The following KCNQ1 variants were observed in gnomAD, a reference collection of about 807,000 sequenced individuals.
KCNQ1 encodes potassium voltage-gated channel subfamily Q member 1.
Under a neutral mutation model 72.4 loss-of-function variants are expected in KCNQ1, and 49 were observed. That is an observed-to-expected ratio of 0.68 (90% CI 0.54 to 0.86). The LOEUF is 0.86. Among genes scored for constraint, KCNQ1 ranks in the 40% least tolerant of loss-of-function variants. The probability of loss-of-function intolerance (pLI) is 0.00; values close to 1 mark genes in which losing one functional copy is unlikely to be tolerated. For synonymous variants in KCNQ1, 450 were observed against 412.6 expected (o/e 1.09, Z -1.10); for missense variants, 790 against 945.1 (o/e 0.84, Z 2.15).
chr11:2,699,709 C>A (rs1426499070), intron 11 of KCNQ1: 7 of 228,480 alleles, frequency 3.1e-5, no homozygotes, highest in African/African-American at 5.4e-5. Context: ...AGGAGAACGG[C>A]GCCGAGGAGT....
rs933178688 is a variant in KCNQ1 at position 2,463,708 on chromosome 11, C to T, written c.386+18224C>T. Among the ~76,000 whole-genome samples, 4 of 152,298 alleles carry T rather than the reference C, an allele frequency of 2.6e-5. No homozygotes were observed. Among genetic ancestry groups the T allele is most frequent in the East Asian group, 3.9e-4 (2 of 5,184 alleles). On this transcript the variant is annotated intron_variant, in intron 1 of 15. Coordinates refer to ENST00000155840, the MANE Select transcript of KCNQ1 (RefSeq NM_000218.3). This position sits in a 1 kb window ranked among gnomAD's most constrained non-coding sequence, Gnocchi z 7.0. ...CGGGGAGGTCTGTGGGTGCCCAGGC[C>T]GAGATGTGAACCCTGAGTTTGTGCA... is the stretch of plus-strand genomic sequence containing the variant.
At chr11:2,609,797 C>T (rs1354023775) in intron 10 of KCNQ1, 2 of 398,032 alleles carry the variant, frequency 5.0e-6, no homozygotes, top group Non-Finnish European at 4.4e-6. Context: ...CAGTAACATT[C>T]TTAATTTAAA....
rs1408701268 is a variant in KCNQ1 at position 2,733,908 on chromosome 11, G to T, written c.1515-34936G>T. Reference sequence around the variant, plus strand: ...CCGCTGTTCCCCTGCCCTGCCAGGCGCACCACCCCCGAAACATGCACACGC... The same window carrying T: ...CCGCTGTTCCCCTGCCCTGCCAGGCTCACCACCCCCGAAACATGCACACGC... On this transcript the variant is annotated intron_variant, in intron 11 of 15. Coordinates refer to ENST00000155840, the MANE Select transcript of KCNQ1 (RefSeq NM_000218.3). 4.4e-5 allele frequency among the ~76,000 whole-genome samples: 6 copies of T among 135,182 alleles called. No individual in the cohort carries two copies. In the Admixed American group the frequency reaches 4.8e-4, roughly 11 times the overall value. The allele number at this position is 135,182 out of a possible 152,430, so 88.7% of individuals were successfully genotyped here.
chr11:2,716,834 G>A (rs1384748883), intron 11 of KCNQ1, among the ~76,000 whole-genome samples: 2 of 152,238 alleles, frequency 1.3e-5, no homozygotes, highest in Non-Finnish European at 2.9e-5. Context: ...TTTGGAGGGA[G>A]CCGAGGGCAG....
chr11:2,522,564 C>T (rs1167658520), intron 1 of KCNQ1, among the ~76,000 whole-genome samples: 2 of 152,220 alleles, frequency 1.3e-5, no homozygotes, highest in Non-Finnish European at 2.9e-5. Flanking sequence ...ATAGATAAAG[C>T]GGTAAATAAG....
chr11:2,744,486 G>A (rs542226998), intron 11 of KCNQ1, among the ~76,000 whole-genome samples: 2 of 152,224 alleles, frequency 1.3e-5, no homozygotes, highest in Admixed American at 6.5e-5. Flanking sequence ...GTTTGCGGTT[G>A]CTCCTGACGC....
intron 1 of KCNQ1, chr11:2,461,487 G>A (rs987313955): frequency 1.2e-5 from 15 of 1,297,348 alleles, no homozygotes; most frequent in African/African-American, 4.5e-5. Context: ...TGAGAGGCCC[G>A]GGAAGGCACT....
intron 15 of KCNQ1, among the ~76,000 whole-genome samples, chr11:2,786,511 C>G (rs1013172874): frequency 4.0e-5 from 6 of 151,724 alleles, no homozygotes; most frequent in Admixed American, 2.6e-4. Flanking sequence ...TCACTTCAGT[C>G]TCATTATCTC....
At position 2,785,235 on chromosome 11, in the gene KCNQ1, C is replaced by T. The variant is rs1846889757; in HGVS notation, c.1794+7198C>T. Reference sequence around the variant, plus strand: ...ATTTTGTCAAATGCTCTTTCTGTGTCTAGTGAGATGGTCCTGTGGTTTTTA... The same window carrying T: ...ATTTTGTCAAATGCTCTTTCTGTGTTTAGTGAGATGGTCCTGTGGTTTTTA... On this transcript the variant is annotated intron_variant, in intron 15 of 15. Transcript: ENST00000155840. The surrounding 1 kb of genome is among the most constrained non-coding windows in gnomAD (Gnocchi z 4.4). 6.6e-6 allele frequency among the ~76,000 whole-genome samples: 1 copy of T among 151,928 alleles called. No individual in the cohort carries two copies. The highest frequency in any genetic ancestry group is 2.1e-4 in the South Asian group (1 of 4,832).
chr11:2,649,217 T>G (rs1403081970), intron 10 of KCNQ1: 1 of 398,292 alleles, frequency 2.5e-6, no homozygotes, highest in Non-Finnish European at 4.4e-6. Flanking sequence ...CATTCAAGAT[T>G]GTTATCAATA....
intron 2 of KCNQ1, among the ~76,000 whole-genome samples, chr11:2,568,501 G>A (rs537416184): frequency 2.0e-5 from 3 of 152,272 alleles, no homozygotes; most frequent in East Asian, 3.9e-4. Context: ...CCTTTTTCAC[G>A]ATGACCAAAC....
chr11:2,623,986 C>T lies in KCNQ1; in HGVS notation c.1393+35132C>T. On this transcript the variant is annotated intron_variant, in intron 10 of 15. Coordinates refer to ENST00000155840, the MANE Select transcript of KCNQ1 (RefSeq NM_000218.3). The surrounding 1 kb of genome is among the most constrained non-coding windows in gnomAD (Gnocchi z 5.2). The stretch of plus-strand genomic sequence containing the variant: ...CCAGGGCTGCACCACTTTACATTCC[C>T]ATTAATGGTATATGTCAAAGTGGCT... 2.5e-6 allele frequency: 1 copy of T among 398,668 alleles called. No homozygotes were observed. Among genetic ancestry groups the T allele is most frequent in the African/African-American group, 2.1e-5 (1 of 48,626 alleles). The allele number at this position is 398,668 out of a possible 1,614,324, so 24.7% of individuals were successfully genotyped here.
intron 1 of KCNQ1, among the ~76,000 whole-genome samples, chr11:2,480,756 A>G (rs1049846105): frequency 3.3e-5 from 5 of 152,234 alleles, no homozygotes; most frequent in Admixed American, 6.5e-5. Flanking sequence ...TGTAGTGTGC[A>G]TGTCAGTGTT....
chr11:2,683,693 TG>T lies in KCNQ1; in HGVS notation c.1514+21615del. 2.5e-6 allele frequency: 1 copy of T among 398,676 alleles called. No homozygotes were observed. The highest frequency in any genetic ancestry group is 3.6e-5 in the East Asian group (1 of 28,078). The allele number at this position is 398,676 out of a possible 1,614,324, so 24.7% of individuals were successfully genotyped here. On this transcript the variant is annotated intron_variant, in intron 11 of 15. Coordinates refer to ENST00000155840, the MANE Select transcript of KCNQ1 (RefSeq NM_000218.3). This position sits in a 1 kb window ranked among gnomAD's most constrained non-coding sequence, Gnocchi z 4.7. ...CAATACAACTGTGAAAAGCCTAGCCTGGGACTCAGGCCTTTCCTTACTCCCT... is the reference window on the plus strand; with the variant it reads ...CAATACAACTGTGAAAAGCCTAGCCTGGACTCAGGCCTTTCCTTACTCCCT...
Position 2,678,410 on chromosome 11 carries a change from A to C in KCNQ1, c.1514+16329A>C, listed in dbSNP as rs1274640775. The C allele has an allele frequency of 5.0e-6, 2 of 398,490 alleles. No individual in the cohort carries two copies. Among genetic ancestry groups the C allele is most frequent in the East Asian group, 7.1e-5 (2 of 28,076 alleles). 24.7% of individuals were successfully genotyped at this position (398,490 alleles called of 1,614,324 possible). A position where few individuals can be genotyped will look rare whatever the true frequency, so the allele number is the denominator to read the frequency against. The stretch of plus-strand genomic sequence containing the variant: ...TCCCATATATTTGTCCAGTTGTCCA[A>C]CACTATTTATTTGAGTACATCATCA... On this transcript the variant is annotated intron_variant, in intron 11 of 15. Transcript: ENST00000155840. The surrounding 1 kb of genome is among the most constrained non-coding windows in gnomAD (Gnocchi z 4.9).
Position 2,769,181 on chromosome 11 carries a change from C to T in KCNQ1, c.1590+262C>T, listed in dbSNP as rs980060386. On this transcript the variant is annotated intron_variant, in intron 12 of 15. Coordinates refer to ENST00000155840, the MANE Select transcript of KCNQ1 (RefSeq NM_000218.3). The surrounding 1 kb of genome is among the most constrained non-coding windows in gnomAD (Gnocchi z 4.6). ...AGTGTCTTCTTCACCAAGTAGAAGG[C>T]AGCAGCCGTGTAGCTCACTCAGTCC... Among the ~76,000 whole-genome samples the T allele has an allele frequency of 5.3e-5, 8 of 152,096 alleles. No homozygotes were observed. The highest frequency in any genetic ancestry group is 1.9e-4 in the African/African-American group (8 of 41,420).
chr11:2,805,158 G>C (rs1311139072), intron 15 of KCNQ1, among the ~76,000 whole-genome samples: 2 of 152,206 alleles, frequency 1.3e-5, no homozygotes, highest in African/African-American at 4.8e-5. Flanking sequence ...ATGAGGCTGA[G>C]AGCCGGAAGC....
At chr11:2,779,753 ACAGCAGCCGTC>A (rs887256578) in intron 15 of KCNQ1, among the ~76,000 whole-genome samples, 5 of 152,170 alleles carry the variant, frequency 3.3e-5, no homozygotes, top group Non-Finnish European at 7.4e-5. Context: ...CCTGACGTGC[ACAGCAGCCGTC>A]CAGCAGCCTG....
intron 11 of KCNQ1, chr11:2,685,731 C>A: frequency 2.5e-6 from 1 of 398,676 alleles, no homozygotes; most frequent in Non-Finnish European, 4.4e-6. Flanking sequence ...TCTGACAGTC[C>A]GCCGAAATGG....
Sources: gnomAD v4.1 joint callset for allele counts (sites outside exome capture counted in the v4.1 genomes callset) on GRCh38, gnomAD v4.1.1 for gene constraint, Gnocchi (gnomAD v3.1) non-coding constraint, MANE v1.5 for transcripts, NCBI Gene and HGNC (gene_info 2026-07-23, HGNC 2026-07-21) for gene names.